KAZN: variants seen among roughly 807,000 people sequenced by gnomAD.
The protein encoded by KAZN is kazrin.
Under a neutral mutation model 87.4 loss-of-function variants are expected in KAZN, and 40 were observed. That is an observed-to-expected ratio of 0.46 (90% CI 0.36 to 0.60). The LOEUF (loss-of-function observed/expected upper bound fraction) is 0.60, where lower values mean the gene tolerates loss of function less well. Ranked by LOEUF, KAZN falls within the 20% of genes least tolerant of loss-of-function variation. The pLI, the probability that KAZN is intolerant of heterozygous loss-of-function variation, is 0.00. For synonymous variants in KAZN, 466 were observed against 458.3 expected, an observed-to-expected ratio of 1.02 and a Z score of -0.22; for missense variants, 898 against 1,073.9, an observed-to-expected ratio of 0.84 and a Z score of 2.29.
chr1:14,193,663 T>G (rs1265603360), intron 2 of KAZN, among the ~76,000 whole-genome samples: 2 of 248 alleles, frequency 8.1e-3, no homozygotes, highest in Non-Finnish European at 0.013. Context: ...ACTAAGGTGT[T>G]TTTTTTTTTT....
chr1:14,584,187 G>A lies in KAZN; in HGVS notation c.250-14796G>A, dbSNP rs967952508. Among the ~76,000 whole-genome samples the A allele has an allele frequency of 8.5e-5, 13 of 152,200 alleles. 1 individual carries two copies. Among genetic ancestry groups the A allele is most frequent in the African/African-American group, 3.1e-4 (13 of 41,456 alleles). On this transcript the variant is annotated intron_variant, in intron 2 of 16. Coordinates refer to the KAZN transcript ENST00000636203. Reference sequence around the variant, plus strand: ...CCCAGTTCCCTGGGGTCGTGGGGCTGGGCGTATACACAAGGCCTGGTCAAT... The same window carrying A: ...CCCAGTTCCCTGGGGTCGTGGGGCTAGGCGTATACACAAGGCCTGGTCAAT...
chr1:14,997,147 C>T (rs957670180), intron 2 of KAZN, among the ~76,000 whole-genome samples: 6 of 152,092 alleles, frequency 3.9e-5, no homozygotes, highest in Admixed American at 3.3e-4. Context: ...TCCCCTCCAG[C>T]GAGTCTCAGT....
At chr1:14,969,487 C>T (rs567784023) in intron 2 of KAZN, among the ~76,000 whole-genome samples, 37 of 152,378 alleles carry the variant, frequency 2.4e-4, no homozygotes, top group Admixed American at 2.0e-3. Flanking sequence ...ACAGCCCTGA[C>T]GTAGAAGACT....
rs370610942 is a variant in KAZN, at chr1:14,681,627, A to G, written c.226+82404A>G. Among the ~76,000 whole-genome samples the G allele has an allele frequency of 1.7e-3, 17 of 9,786 alleles. No homozygotes were observed. In the South Asian group the frequency reaches 0.022, roughly 13 times the overall value. 6.4% of individuals were successfully genotyped at this position (9,786 alleles called of 152,430 possible). ...TATGTATATGTGTATATATATATAT[A>G]TATATATATATATATATATATATAT... On this transcript the variant is annotated intron_variant, in intron 1 of 14. Coordinates refer to ENST00000376030, the MANE Select transcript of KAZN (RefSeq NM_201628.3).
chr1:14,084,879 TA>T lies in KAZN; in HGVS notation c.92-95548del, dbSNP rs376530072. 4.2e-3 allele frequency among the ~76,000 whole-genome samples: 640 copies of T among 151,854 alleles called. 13 individuals carry two copies. The South Asian group carries it at 0.067, about 16-fold the overall frequency. ...ATGTACCCTAAAACTTAAAGTATAA[TA>T]AAAAAAAGTACGTGTGTGTGTATAT... On this transcript the variant is annotated intron_variant, in intron 1 of 16. Coordinates refer to the KAZN transcript ENST00000636203.
chr1:14,693,833 C>T (rs776730631), intron 1 of KAZN, among the ~76,000 whole-genome samples: 6 of 152,156 alleles, frequency 3.9e-5, no homozygotes, highest in East Asian at 1.9e-4. Flanking sequence ...GCTCTCCAGG[C>T]GCTCAGCTCA....
chr1:14,232,858 G>T, intron 2 of KAZN, among the ~76,000 whole-genome samples: 1 of 152,078 alleles, frequency 6.6e-6, no homozygotes, highest in East Asian at 1.9e-4. Flanking sequence ...CAATTGCAAA[G>T]AAAAACATCA....
intron 4 of KAZN, among the ~76,000 whole-genome samples, chr1:15,053,065 G>A (rs754286086): frequency 1.7e-4 from 26 of 152,238 alleles, no homozygotes; most frequent in Non-Finnish European, 2.4e-4. Context: ...GCAGGAGGGG[G>A]AGCTGAGGGT....
At chr1:14,167,234 T>C (rs1041086486) in intron 1 of KAZN, among the ~76,000 whole-genome samples, 8 of 152,240 alleles carry the variant, frequency 5.3e-5, no homozygotes, top group African/African-American at 1.9e-4. Flanking sequence ...AAAATGTGCA[T>C]TTTATCCTAA....
In KAZN at chr1:14,899,563, A is replaced by C. The variant is rs777458830; in HGVS notation, c.227-61121A>C. Among the ~76,000 whole-genome samples the C allele has an allele frequency of 4.8e-4, 73 of 152,236 alleles. No homozygotes were observed. In the South Asian group the frequency reaches 5.4e-3, roughly 11 times the overall value. On this transcript the variant is annotated intron_variant, in intron 1 of 14. Coordinates refer to ENST00000376030, the MANE Select transcript of KAZN (RefSeq NM_201628.3). ...GTTAGACATTTTGTCTGCATATCTGACTTCCTATCCGTATGGTAGACATCA... is the reference window on the plus strand; with the variant it reads ...GTTAGACATTTTGTCTGCATATCTGCCTTCCTATCCGTATGGTAGACATCA...
At chr1:13,974,629 C>T (rs1638233110) in intron 1 of KAZN, among the ~76,000 whole-genome samples, 1 of 152,118 alleles carries the variant, frequency 6.6e-6, no homozygotes, top group African/African-American at 2.4e-5. Context: ...AATGCTGCTG[C>T]CACAAGTCAA....
chr1:14,531,016 C>G (rs1046753034), intron 2 of KAZN, among the ~76,000 whole-genome samples: 1 of 152,112 alleles, frequency 6.6e-6, no homozygotes, highest in Non-Finnish European at 1.5e-5. Flanking sequence ...TAGGCTGCAC[C>G]GAGCTGTGAT....
rs1440893246 is a variant in KAZN at position 14,750,628 on chromosome 1, A to G, written c.226+151405A>G. ...AAAAAAAAAAAGACCTTTAAAACCC[A>G]TTTGTCTTCCATTTTCTCTACATAG... On this transcript the variant is annotated intron_variant, in intron 1 of 14. Coordinates refer to ENST00000376030, the MANE Select transcript of KAZN (RefSeq NM_201628.3). Among the ~76,000 whole-genome samples the G allele has an allele frequency of 2.6e-5, 4 of 151,184 alleles. No homozygotes were observed. In the South Asian group the frequency reaches 6.3e-4, roughly 24 times the overall value.
chr1:15,048,699 ATCCTTGGTCGTTGG>A (rs1673905388), intron 4 of KAZN, among the ~76,000 whole-genome samples: 8 of 78,044 alleles, frequency 1.0e-4, no homozygotes, highest in East Asian at 7.8e-4. Flanking sequence ...TGGGTCGTTG[ATCCTTGGTCGTTGG>A]TCCTGGGTCG....
chr1:14,864,093 A>G (rs1651175661), intron 1 of KAZN, among the ~76,000 whole-genome samples: 1 of 152,232 alleles, frequency 6.6e-6, no homozygotes, highest in African/African-American at 2.4e-5. Context: ...CAATCTTCCC[A>G]TTCCAGGAAG....
At chr1:14,929,351 C>T (rs184239044) in intron 1 of KAZN, among the ~76,000 whole-genome samples, 372 of 152,298 alleles carry the variant, frequency 2.4e-3, no homozygotes, top group African/African-American at 8.2e-3. Context: ...TGAGTCATCA[C>T]GAAATCTCCA....
chr1:14,266,740 A>G (rs1287502813), intron 2 of KAZN, among the ~76,000 whole-genome samples: 1 of 152,196 alleles, frequency 6.6e-6, no homozygotes, highest in East Asian at 1.9e-4. Context: ...TGGGACGTAG[A>G]CATGCCAATT....
intron 2 of KAZN, among the ~76,000 whole-genome samples, chr1:14,336,819 AT>A (rs905371977): frequency 4.6e-5 from 7 of 152,066 alleles, no homozygotes; most frequent in Admixed American, 1.3e-4. Context: ...GTTGAATTAT[AT>A]TTTTTTATAT....
At chr1:14,785,560 C>T (rs945862380) in intron 1 of KAZN, among the ~76,000 whole-genome samples, 6 of 152,092 alleles carry the variant, frequency 3.9e-5, no homozygotes, top group South Asian at 2.1e-4. Context: ...CTTCCTGCTC[C>T]GACCCTCACC....
Sources: allele counts gnomAD v4.1 joint callset (sites outside exome capture counted in the v4.1 genomes callset), GRCh38; gene constraint gnomAD v4.1.1; transcripts MANE v1.5; gene names NCBI Gene and HGNC (gene_info 2026-07-23, HGNC 2026-07-21).